The following MME variants were observed in gnomAD, a reference collection of about 807,000 sequenced individuals.
MME encodes neprilysin.
A neutral mutation model predicts 113.2 loss-of-function variants in MME; 98 were observed. The observed-to-expected ratio is 0.87, with a 90% CI of 0.74 to 1.02. The LOEUF (loss-of-function observed/expected upper bound fraction) is 1.02, where lower values mean the gene tolerates loss of function less well. Ranked by LOEUF, MME falls within the 50% of genes least tolerant of loss-of-function variation. The pLI is 0.00. For missense variants in MME, 836 were observed against 896.0 expected (o/e 0.93, Z 0.86); for synonymous variants, 292 against 300.6 (o/e 0.97, Z 0.30).
chr3:155,051,669 G>T (rs192739568), intron 1 of MME, among the ~76,000 whole-genome samples: 173 of 152,216 alleles, frequency 1.1e-3, no homozygotes, highest in African/African-American at 3.8e-3. Context: ...CTCCCATAGG[G>T]TCCCTCCCAT....
At chr3:155,140,972 C>T (rs1398697959) in intron 10 of MME, among the ~76,000 whole-genome samples, 1 of 152,166 alleles carries the variant, frequency 6.6e-6, no homozygotes, top group Non-Finnish European at 1.5e-5. Context: ...AAGAAAAGCT[C>T]TCTCATAGAT....
rs1245946072 is a variant in MME at position 155,112,904 on chromosome 3, G to A, written c.197-2090G>A. On this transcript the variant is annotated intron_variant, in intron 3 of 22. Transcript: ENST00000360490. The stretch of plus-strand genomic sequence containing the variant: ...AGAGATTAATCACATCAACAAAATG[G>A]TTAGGTAGACAGAGTAGGTATTTAC... 3 of 152,200 alleles carry A rather than the reference G, an allele frequency of 2.0e-5. 1 individual carries two copies. In the Middle Eastern group the frequency reaches 9.5e-3, roughly 482 times the overall value. The allele number at this position is 152,200 out of a possible 1,614,324, so 9.4% of individuals were successfully genotyped here.
chr3:155,029,677 T>C (rs1012483736), intron 1 of MME, among the ~76,000 whole-genome samples: 3 of 152,096 alleles, frequency 2.0e-5, no homozygotes, highest in African/African-American at 7.2e-5. Context: ...GTATGAATTA[T>C]ATTTAATACT....
At chr3:155,107,226 G>A (rs1242313840) in intron 3 of MME, among the ~76,000 whole-genome samples, 3 of 152,012 alleles carry the variant, frequency 2.0e-5, no homozygotes, top group African/African-American at 7.2e-5. Flanking sequence ...GGCAGTGGGT[G>A]CCTGTAATCC....
chr3:155,093,268 C>T (rs1716443915), intron 3 of MME, among the ~76,000 whole-genome samples: 1 of 151,990 alleles, frequency 6.6e-6, no homozygotes, highest in South Asian at 2.1e-4. Context: ...TTGAGTGAGC[C>T]TCTATTATTT....
At chr3:155,025,094 A>T (rs758802152) in intron 1 of MME, among the ~76,000 whole-genome samples, 4 of 152,200 alleles carry the variant, frequency 2.6e-5, no homozygotes, top group Non-Finnish European at 4.4e-5. Context: ...GCAGATAATG[A>T]GGGATGCATC....
intron 1 of MME, among the ~76,000 whole-genome samples, chr3:155,048,923 A>G (rs1576669822): frequency 6.6e-6 from 1 of 152,000 alleles, no homozygotes; most frequent in East Asian, 1.9e-4. Flanking sequence ...ATATCAAATC[A>G]CTGTTATTAT....
chr3:155,065,704 A>C (rs1424480321), intron 1 of MME, among the ~76,000 whole-genome samples: 3 of 152,222 alleles, frequency 2.0e-5, no homozygotes, highest in African/African-American at 7.2e-5. Flanking sequence ...GAGATGACTT[A>C]TGCTCATGTG....
intron 22 of MME, among the ~76,000 whole-genome samples, chr3:155,180,110 G>A (rs1206321323): frequency 6.6e-6 from 1 of 152,184 alleles, no homozygotes; most frequent in Non-Finnish European, 1.5e-5. Context: ...GCACAAAGAA[G>A]CTTCATAAGC....
chr3:155,098,648 C>T (rs1366856247), intron 3 of MME, among the ~76,000 whole-genome samples: 3 of 151,158 alleles, frequency 2.0e-5, no homozygotes, highest in African/African-American at 4.9e-5. Flanking sequence ...AACAAACAAA[C>T]AAAAAACACT....
At chr3:155,065,719 C>A (rs1184887232) in intron 1 of MME, among the ~76,000 whole-genome samples, 3 of 152,132 alleles carry the variant, frequency 2.0e-5, no homozygotes, top group Non-Finnish European at 4.4e-5. Flanking sequence ...CATGTGGAGC[C>A]CTGGGAGGTG....
At chr3:155,073,707 G>A (rs1714654483) in intron 1 of MME, among the ~76,000 whole-genome samples, 1 of 151,876 alleles carries the variant, frequency 6.6e-6, no homozygotes, top group South Asian at 2.1e-4. Context: ...GATGATTTAA[G>A]TCTCTGTTGC....
chr3:155,175,320 G>A (rs1302248712), intron 22 of MME, among the ~76,000 whole-genome samples: 2 of 151,794 alleles, frequency 1.3e-5, no homozygotes, highest in Non-Finnish European at 2.9e-5. Flanking sequence ...TGTATTGCCT[G>A]CCTTTAGTTC....
chr3:155,091,586 G>T (rs566331528), intron 3 of MME, among the ~76,000 whole-genome samples: 2 of 152,256 alleles, frequency 1.3e-5, no homozygotes, highest in South Asian at 4.2e-4. Context: ...TAACATTTTA[G>T]AATAAGAGAT....
chr3:155,136,240 T>C (rs940234249), intron 8 of MME, among the ~76,000 whole-genome samples: 4 of 152,168 alleles, frequency 2.6e-5, no homozygotes, highest in Non-Finnish European at 5.9e-5. Context: ...GGGGAATGCT[T>C]CCACATTTTG....
At chr3:155,116,821 A>C (rs1718654566) in intron 6 of MME, 47 bp from the exon 7 acceptor site, 1 of 1,550,484 alleles carries the variant, frequency 6.4e-7, no homozygotes, top group African/African-American at 1.4e-5. Flanking sequence ...TAATATCATT[A>C]GTGAACTAAA....
At chr3:155,052,829 T>C (rs532423316) in intron 1 of MME, among the ~76,000 whole-genome samples, 11 of 152,352 alleles carry the variant, frequency 7.2e-5, no homozygotes, top group Admixed American at 7.2e-4. Context: ...TGGGTTTTCC[T>C]TTTCTATTGT....
chr3:155,179,169 G>A (rs1045467017), intron 22 of MME, among the ~76,000 whole-genome samples: 5 of 152,148 alleles, frequency 3.3e-5, no homozygotes, highest in Admixed American at 6.6e-5. Context: ...AGGGTCTGCA[G>A]GTAGCAGGAA....
At chr3:155,171,104 A>G (rs1170491355) in intron 20 of MME, among the ~76,000 whole-genome samples, 1 of 152,192 alleles carries the variant, frequency 6.6e-6, no homozygotes, top group Non-Finnish European at 1.5e-5. Context: ...ATCCAGCCAA[A>G]GTTGGGATTG....
Sources: gnomAD v4.1 joint callset for allele counts (sites outside exome capture counted in the v4.1 genomes callset) on GRCh38, gnomAD v4.1.1 for gene constraint, MANE v1.5 for transcripts, NCBI Gene and HGNC (gene_info 2026-07-23, HGNC 2026-07-21) for gene names.